BMAL2: variants seen among roughly 807,000 people sequenced by gnomAD.
The protein encoded by BMAL2 is basic helix-loop-helix ARNT like 2.
the BMAL2 span, among the ~76,000 whole-genome samples, chr12:27,398,196 G>T: frequency 6.6e-6 from 1 of 152,196 alleles, no homozygotes; most frequent in Non-Finnish European, 1.5e-5. Context: ...AGTGAAGACA[G>T]CAAGACACCA....
chr12:27,336,178 C>T, the BMAL2 span, among the ~76,000 whole-genome samples: 3 of 152,200 alleles, frequency 2.0e-5, no homozygotes, highest in Admixed American at 6.5e-5. Context: ...TAGTCAGCAT[C>T]ATCATGGTCA....
chr12:27,415,316 C>G, the BMAL2 span, among the ~76,000 whole-genome samples: 2 of 152,132 alleles, frequency 1.3e-5, no homozygotes, highest in Admixed American at 6.5e-5. Context: ...TGTATATGTA[C>G]AGTATACCAT....
At chr12:27,365,103 A>G in the BMAL2 span, among the ~76,000 whole-genome samples, 1 of 152,036 alleles carries the variant, frequency 6.6e-6, no homozygotes, top group South Asian at 2.1e-4. Flanking sequence ...TCTTAATTTT[A>G]TATTTCATTT....
chr12:27,358,655 G>A, the BMAL2 span, among the ~76,000 whole-genome samples: 1 of 152,050 alleles, frequency 6.6e-6, no homozygotes. Flanking sequence ...AGAATTAAGT[G>A]CCCTTATCTC....
chr12:27,373,770 T>G, the BMAL2 span, among the ~76,000 whole-genome samples: 1 of 152,222 alleles, frequency 6.6e-6, no homozygotes, highest in African/African-American at 2.4e-5. Flanking sequence ...TGCCTACATT[T>G]CATTCAAAAT....
chr12:27,372,413 G>A, the BMAL2 span, among the ~76,000 whole-genome samples: 2 of 152,114 alleles, frequency 1.3e-5, no homozygotes, highest in Admixed American at 6.5e-5. Flanking sequence ...CCAGTCCTCT[G>A]TTGATGGGTT....
chr12:27,401,459 A>G, the BMAL2 span: 1 of 1,545,898 alleles, frequency 6.5e-7, no homozygotes, highest in Non-Finnish European at 8.9e-7. Context: ...GTTTGAATTA[A>G]TCTTCACAAC....
the BMAL2 span, chr12:27,389,098 A>T: frequency 1.0e-6 from 1 of 957,950 alleles, no homozygotes; most frequent in Non-Finnish European, 1.7e-6. Context: ...CAAAAATCAA[A>T]AAAGAACATT....
At chr12:27,388,832 A>G in the BMAL2 span, among the ~76,000 whole-genome samples, 7 of 152,242 alleles carry the variant, frequency 4.6e-5, no homozygotes, top group Admixed American at 3.3e-4. Context: ...ATATTATACT[A>G]TGATGTAATC....
the BMAL2 span, among the ~76,000 whole-genome samples, chr12:27,379,399 T>C: frequency 6.6e-6 from 1 of 152,180 alleles, no homozygotes; most frequent in African/African-American, 2.4e-5. Flanking sequence ...TGTGAGGGAA[T>C]GAGATCTCAG....
the BMAL2 span, among the ~76,000 whole-genome samples, chr12:27,339,128 T>G: frequency 6.6e-6 from 1 of 152,180 alleles, no homozygotes; most frequent in Non-Finnish European, 1.5e-5. Context: ...CACCTTCCAA[T>G]AGGCCTCAGT....
At chr12:27,380,131 G>C in the BMAL2 span, 6 of 996,888 alleles carry the variant, frequency 6.0e-6, no homozygotes, top group East Asian at 2.5e-5. Context: ...GGGCCCAAGT[G>C]GGGAGGAAGA....
At chr12:27,391,073 A>T in the BMAL2 span, among the ~76,000 whole-genome samples, 10 of 152,206 alleles carry the variant, frequency 6.6e-5, no homozygotes, top group Middle Eastern at 3.4e-3. Context: ...TTTTTTAAAA[A>T]TTTTCAACAT....
the BMAL2 span, among the ~76,000 whole-genome samples, chr12:27,336,186 T>C: frequency 6.6e-6 from 1 of 152,172 alleles, no homozygotes; most frequent in Non-Finnish European, 1.5e-5. Context: ...ATCATCATGG[T>C]CATAAGCATT....
chr12:27,350,994 C>CCT, the BMAL2 span, among the ~76,000 whole-genome samples: 102 of 94,296 alleles, frequency 1.1e-3, 1 homozygote, highest in East Asian at 1.1e-3. Flanking sequence ...CCCACCCCCC[C>CCT]TTTTTTTTTT....
At chr12:27,418,971 T>C in the BMAL2 span, among the ~76,000 whole-genome samples, 4 of 84,042 alleles carry the variant, frequency 4.8e-5, no homozygotes, top group Non-Finnish European at 1.1e-4. Context: ...AGAACAAGAC[T>C]CCATCTAAAA....
chr12:27,354,273 C>T, the BMAL2 span, among the ~76,000 whole-genome samples: 1 of 152,094 alleles, frequency 6.6e-6, no homozygotes, highest in African/African-American at 2.4e-5. Flanking sequence ...TGCAGCAACA[C>T]GGATGGAGCT....
chr12:27,397,074 GTTTA>G, the BMAL2 span, among the ~76,000 whole-genome samples: 5,102 of 146,172 alleles, frequency 0.035, 112 homozygotes, highest in Non-Finnish European at 0.047. Flanking sequence ...TTGTTTGTTT[GTTTA>G]TTTATTTATT....
chr12:27,368,280 A>G, the BMAL2 span: 2 of 1,614,166 alleles, frequency 1.2e-6, no homozygotes, highest in East Asian at 4.5e-5. Context: ...TTGAGAGAGG[A>G]GAACCAGTGC....
Sources: allele counts gnomAD v4.1 joint callset (sites outside exome capture counted in the v4.1 genomes callset), GRCh38; gene constraint gnomAD v4.1.1; transcripts MANE v1.5; gene names NCBI Gene and HGNC (gene_info 2026-07-23, HGNC 2026-07-21).